The following NFYB variants were observed in gnomAD, a reference collection of about 807,000 sequenced individuals.
The protein encoded by NFYB is CAAT box DNA-binding protein subunit B.
In NFYB, 13 loss-of-function variants were observed where a neutral mutation model predicts 28.0. The observed-to-expected ratio is 0.46, with a 90% confidence interval of 0.30 to 0.74. NFYB has a LOEUF of 0.74. Ranked by LOEUF, NFYB falls within the 30% of genes least tolerant of loss-of-function variation. The pLI is 0.07. For missense variants in NFYB, 142 were observed against 247.6 expected, an observed-to-expected ratio of 0.57 and a Z score of 2.86; for synonymous variants, 74 against 75.0, an observed-to-expected ratio of 0.99 and a Z score of 0.07.
intron 3 of NFYB, among the ~76,000 whole-genome samples, chr12:104,127,849 A>G (rs1029920637): frequency 1.2e-4 from 18 of 151,728 alleles, no homozygotes; most frequent in African/African-American, 4.1e-4. Context: ...AAGCACAGCT[A>G]ATTTTTTAAT....
rs564787216 is a variant in NFYB at position 104,127,667 on chromosome 12, T to C, written c.100+757A>G. Among the ~76,000 whole-genome samples, 206 of 117,738 alleles carry C rather than the reference T, an allele frequency of 1.7e-3. 1 individual carries two copies. Among genetic ancestry groups the C allele is most frequent in the African/African-American group, 5.5e-3 (198 of 36,274 alleles). 77.2% of individuals were successfully genotyped at this position (117,738 alleles called of 152,430 possible). A position where few individuals can be genotyped will look rare whatever the true frequency, so the allele number is the denominator to read the frequency against. On this transcript the variant is annotated intron_variant, in intron 3 of 7. Coordinates refer to ENST00000240055, the MANE Select transcript of NFYB (RefSeq NM_006166.4). ...GATAGGCCAACATAACACTGCCTTT[T>C]TTTTTTTTTTTTTTTTTGGAGACAG... is the stretch of plus-strand genomic sequence containing the variant.
At chr12:104,138,061 G>C (rs2031191883) in intron 1 of NFYB, 80 bp downstream of exon 1, 2 of 147,578 alleles carry the variant, frequency 1.4e-5, no homozygotes, top group Non-Finnish European at 3.0e-5. Context: ...CGGGGACGGC[G>C]CCGGGAGGAG....
intron 3 of NFYB, among the ~76,000 whole-genome samples, chr12:104,127,663 CTTTTTTTTTTT>C (rs71069719): frequency 3.2e-5 from 3 of 92,880 alleles, no homozygotes; most frequent in Non-Finnish European, 5.9e-5. Flanking sequence ...ATAACACTGC[CTTTTTTTTTTT>C]TTTTTTTTTT....
chr12:104,120,317 G>C lies in NFYB; in HGVS notation c.591+83C>G, dbSNP rs184584966. ...TGATCCACCCACCTCGGCCTCCCAA[G>C]GTGCTGGGATTACAGGCATGAGCCA... On this transcript the variant is annotated intron_variant, in intron 7 of 7. Coordinates refer to ENST00000240055, the MANE Select transcript of NFYB (RefSeq NM_006166.4). 1.8e-5 allele frequency: 21 copies of C among 1,151,000 alleles called. No homozygotes were observed. In the East Asian group the frequency reaches 4.9e-4, roughly 27 times the overall value. The allele number at this position is 1,151,000 out of a possible 1,614,324, so 71.3% of individuals were successfully genotyped here. A position where few individuals can be genotyped will look rare whatever the true frequency, so the allele number is the denominator to read the frequency against.
chr12:104,128,319 A>C, intron 3 of NFYB, 105 bp downstream of exon 3: 1 of 679,704 alleles, frequency 1.5e-6, no homozygotes, highest in Non-Finnish European at 2.4e-6. Flanking sequence ...AAGATTGTAA[A>C]TTTTCCTATA....
intron 2 of NFYB, chr12:104,131,979 C>T (rs1032055781): frequency 2.4e-5 from 8 of 333,010 alleles, no homozygotes; most frequent in African/African-American, 1.3e-4. Flanking sequence ...AAGACTTAAC[C>T]TCCCAGGCTC....
rs756786855 is a variant in NFYB, at chr12:104,117,207, C to T, written c.*2530G>A. ...GCCAAGGAAGACAGAGACCCCAGCT[C>T]TGACAAGCATAAATTAGGATATTAT... On this transcript the variant is annotated 3_prime_UTR_variant, in exon 8 of 8. Coordinates refer to ENST00000240055, the MANE Select transcript of NFYB (RefSeq NM_006166.4). 2 of 152,166 alleles carry T rather than the reference C, an allele frequency of 1.3e-5. No individual in the cohort carries two copies. Among genetic ancestry groups the T allele is most frequent in the Non-Finnish European group, 2.9e-5 (2 of 68,042 alleles). 9.4% of individuals were successfully genotyped at this position (152,166 alleles called of 1,614,324 possible). A position where few individuals can be genotyped will look rare whatever the true frequency, so the allele number is the denominator to read the frequency against.
intron 4 of NFYB, among the ~76,000 whole-genome samples, chr12:104,124,728 A>C (rs1196555966): frequency 6.6e-6 from 1 of 152,212 alleles, no homozygotes; most frequent in African/African-American, 2.4e-5. Flanking sequence ...ACACATCTCC[A>C]TTCAGACCAG....
chr12:104,137,285 A>C (rs1038309161), intron 1 of NFYB: 9 of 152,168 alleles, frequency 5.9e-5, no homozygotes, highest in African/African-American at 9.7e-5. Context: ...TTGTTCTCTA[A>C]GACTACCGTT....
intron 3 of NFYB, among the ~76,000 whole-genome samples, chr12:104,127,196 T>G (rs1045381131): frequency 6.6e-6 from 1 of 152,238 alleles, no homozygotes. Flanking sequence ...TTATCAGAAT[T>G]AATTTATTTG....
chr12:104,127,663 C>CTT (rs71069719), intron 3 of NFYB, among the ~76,000 whole-genome samples: 5,533 of 92,822 alleles, frequency 0.06, 656 homozygotes, highest in African/African-American at 0.12. Context: ...ATAACACTGC[C>CTT]TTTTTTTTTT....
intron 1 of NFYB, among the ~76,000 whole-genome samples, chr12:104,136,853 T>C (rs939540138): frequency 3.3e-5 from 5 of 152,200 alleles, no homozygotes; most frequent in Middle Eastern, 3.2e-3. Context: ...AAATGCAAAT[T>C]TGTATCCAAG....
chr12:104,129,428 A>C (rs1320385541), intron 2 of NFYB, among the ~76,000 whole-genome samples: 1 of 152,188 alleles, frequency 6.6e-6, no homozygotes, highest in Non-Finnish European at 1.5e-5. Flanking sequence ...TTCTCATAGA[A>C]GTTCCAAAAT....
At chr12:104,125,940 G>A (rs1433886513) in intron 4 of NFYB, among the ~76,000 whole-genome samples, 174 bp downstream of exon 4, 1 of 150,090 alleles carries the variant, frequency 6.7e-6, no homozygotes, top group Non-Finnish European at 1.5e-5. Flanking sequence ...GGACATGACA[G>A]AATTGAAAAT....
chr12:104,138,040 G>A (rs553517345), intron 1 of NFYB, 101 bp downstream of exon 1: 4 of 145,940 alleles, frequency 2.7e-5, no homozygotes, highest in East Asian at 2.0e-4. Flanking sequence ...CGGCCGCGGC[G>A]GCGTTGGCGG....
intron 2 of NFYB, among the ~76,000 whole-genome samples, chr12:104,130,459 G>A (rs1366948943): frequency 1.3e-5 from 2 of 152,150 alleles, no homozygotes. Context: ...TATAGTTGTT[G>A]TAAGGGGGTA....
At chr12:104,138,080 T>A (rs1048012194) in intron 1 of NFYB, 61 bp downstream of exon 1, 1 of 147,430 alleles carries the variant, frequency 6.8e-6, no homozygotes, top group African/African-American at 2.4e-5. Context: ...AGACGGACAT[T>A]TCATTCGAGC....
intron 2 of NFYB, among the ~76,000 whole-genome samples, chr12:104,132,053 G>A (rs1047493563): frequency 2.6e-5 from 4 of 152,128 alleles, no homozygotes; most frequent in African/African-American, 9.7e-5. Context: ...CTCAGTAAGT[G>A]GTATATATAG....
intron 3 of NFYB, among the ~76,000 whole-genome samples, chr12:104,128,060 AAATAT>A (rs1203502269): frequency 3.0e-4 from 46 of 152,186 alleles, no homozygotes; most frequent in Non-Finnish European, 4.4e-4. Context: ...TAAGTGCAAG[AAATAT>A]AATAGCTAGA....
Sources: gnomAD v4.1 joint callset for allele counts (sites outside exome capture counted in the v4.1 genomes callset) on GRCh38, gnomAD v4.1.1 for gene constraint, MANE v1.5 for transcripts, NCBI Gene and HGNC (gene_info 2026-07-23, HGNC 2026-07-21) for gene names.